Variants in ADAMTSL3 observed in about 807,000 individuals in gnomAD.
ADAMTSL3 encodes ADAMTS-like protein 3.
ADAMTSL3 carries 128 observed loss-of-function variants against 201.7 expected under a neutral mutation model. That is an observed-to-expected ratio of 0.63 (90% CI 0.55 to 0.73). The LOEUF is 0.73. ADAMTSL3 is among the 30% of genes least tolerant of loss of function. ADAMTSL3 has a pLI of 0.00. For synonymous variants in ADAMTSL3, 738 were observed against 748.4 expected (o/e 0.99, Z 0.23); for missense variants, 1,990 against 2,119.6 (o/e 0.94, Z 1.20).
chr15:83,860,823 G>T (rs1230093501), intron 8 of ADAMTSL3, among the ~76,000 whole-genome samples: 3 of 152,132 alleles, frequency 2.0e-5, no homozygotes, highest in Non-Finnish European at 4.4e-5. Flanking sequence ...GTGGGTGCAG[G>T]ACAGTAGGTG....
intron 19 of ADAMTSL3, among the ~76,000 whole-genome samples, chr15:83,948,031 C>T (rs1411082234): frequency 6.6e-6 from 1 of 152,172 alleles, no homozygotes; most frequent in Non-Finnish European, 1.5e-5. Flanking sequence ...TATCTGCCAA[C>T]TCTTCAACTC....
intron 3 of ADAMTSL3, among the ~76,000 whole-genome samples, chr15:83,709,878 T>C (rs2061909391): frequency 6.6e-6 from 1 of 152,180 alleles, no homozygotes; most frequent in African/African-American, 2.4e-5. Flanking sequence ...GCAGCCATCG[T>C]AGGATAAAGG....
intron 8 of ADAMTSL3, among the ~76,000 whole-genome samples, chr15:83,864,732 C>A (rs1176911875): frequency 6.6e-6 from 1 of 152,224 alleles, no homozygotes; most frequent in Non-Finnish European, 1.5e-5. Context: ...CTCACCACTC[C>A]TATTCAACAT....
intron 19 of ADAMTSL3, among the ~76,000 whole-genome samples, chr15:83,951,003 C>CTTTTT (rs75663059): frequency 2.2e-5 from 3 of 133,476 alleles, no homozygotes; most frequent in African/African-American, 2.7e-5. Flanking sequence ...CTTTTCTTTT[C>CTTTTT]TTTTTTTTTT....
chr15:83,716,286 T>A (rs1307720321), intron 3 of ADAMTSL3, among the ~76,000 whole-genome samples: 1 of 152,178 alleles, frequency 6.6e-6, no homozygotes, highest in Admixed American at 6.5e-5. Context: ...GAGGTTCACC[T>A]GAGGTCAGGA....
intron 10 of ADAMTSL3, among the ~76,000 whole-genome samples, chr15:83,886,387 G>A (rs1217831212): frequency 6.6e-6 from 1 of 152,134 alleles, no homozygotes; most frequent in Non-Finnish European, 1.5e-5. Context: ...TATTCTTGAC[G>A]AAAACCCTAA....
intron 23 of ADAMTSL3, among the ~76,000 whole-genome samples, chr15:83,996,503 C>T (rs566990930): frequency 1.2e-4 from 19 of 152,086 alleles, no homozygotes; most frequent in South Asian, 4.2e-4. Context: ...ATGAGCAGTC[C>T]GGGCGCGGTG....
At chr15:83,709,961 T>C (rs1200588032) in intron 3 of ADAMTSL3, among the ~76,000 whole-genome samples, 2 of 152,046 alleles carry the variant, frequency 1.3e-5, no homozygotes, top group African/African-American at 4.8e-5. Context: ...ATGAATTCTT[T>C]ATGTGTGTAC....
chr15:83,869,127 C>T (rs2065034406), intron 8 of ADAMTSL3, among the ~76,000 whole-genome samples: 1 of 152,154 alleles, frequency 6.6e-6, no homozygotes, highest in East Asian at 1.9e-4. Flanking sequence ...TGTCTAGAAA[C>T]TTGTATTTTG....
chr15:83,830,957 C>T (rs1007293394), intron 6 of ADAMTSL3, among the ~76,000 whole-genome samples: 1 of 152,000 alleles, frequency 6.6e-6, no homozygotes, highest in African/African-American at 2.4e-5. Context: ...ATATATGTTG[C>T]CAAGTGGGTG....
At chr15:83,946,233 A>T (rs1251668520) in intron 19 of ADAMTSL3, among the ~76,000 whole-genome samples, 1 of 152,178 alleles carries the variant, frequency 6.6e-6, no homozygotes, top group Admixed American at 6.5e-5. Flanking sequence ...GCTAGTGGTG[A>T]CATCACCACT....
chr15:83,850,180 T>C (rs1470103271), intron 7 of ADAMTSL3, among the ~76,000 whole-genome samples: 2 of 152,026 alleles, frequency 1.3e-5, no homozygotes, highest in Non-Finnish European at 2.9e-5. Context: ...CCCTGCTTCC[T>C]CCCGCTACGG....
intron 3 of ADAMTSL3, among the ~76,000 whole-genome samples, chr15:83,730,848 G>A (rs1349680910): frequency 1.3e-5 from 2 of 151,936 alleles, no homozygotes; most frequent in Non-Finnish European, 2.9e-5. Context: ...TTCTTGCCAA[G>A]GCTAATATCA....
At chr15:83,925,848 C>T (rs2066235658) in intron 17 of ADAMTSL3, among the ~76,000 whole-genome samples, 1 of 152,178 alleles carries the variant, frequency 6.6e-6, no homozygotes, top group African/African-American at 2.4e-5. Flanking sequence ...TGCTACATCC[C>T]TTCCCTGAGG....
At chr15:84,009,461 G>A (rs2067965557) in intron 23 of ADAMTSL3, among the ~76,000 whole-genome samples, 2 of 152,172 alleles carry the variant, frequency 1.3e-5, no homozygotes, top group African/African-American at 2.4e-5. Context: ...TAAACCAAAT[G>A]TGTGATCGAA....
At chr15:83,990,688 A>G (rs2067566705) in intron 22 of ADAMTSL3, among the ~76,000 whole-genome samples, 1 of 152,096 alleles carries the variant, frequency 6.6e-6, no homozygotes, top group Non-Finnish European at 1.5e-5. Flanking sequence ...ACATTAATTC[A>G]TTCATGGCTG....
intron 23 of ADAMTSL3, among the ~76,000 whole-genome samples, chr15:84,010,096 T>C (rs1261912385): frequency 2.0e-5 from 3 of 152,252 alleles, no homozygotes. Context: ...GAATTGCTTT[T>C]AGAAATGTTC....
At chr15:83,941,226 ATCT>A (rs2066553657) in intron 17 of ADAMTSL3, among the ~76,000 whole-genome samples, 1 of 151,922 alleles carries the variant, frequency 6.6e-6, no homozygotes, top group Non-Finnish European at 1.5e-5. Flanking sequence ...GTCCTATTAT[ATCT>A]GCATTAAATA....
At chr15:83,717,136 G>A (rs982183342) in intron 3 of ADAMTSL3, among the ~76,000 whole-genome samples, 2 of 152,126 alleles carry the variant, frequency 1.3e-5, no homozygotes, top group African/African-American at 4.8e-5. Flanking sequence ...TGACATCTGA[G>A]CTGATAATAG....
Sources: gnomAD v4.1 joint callset for allele counts (sites outside exome capture counted in the v4.1 genomes callset) on GRCh38, gnomAD v4.1.1 for gene constraint, MANE v1.5 for transcripts, NCBI Gene and HGNC (gene_info 2026-07-23, HGNC 2026-07-21) for gene names.